Variants in ADAM19 observed in about 807,000 individuals in gnomAD.
The protein encoded by ADAM19 is ADAM metallopeptidase domain 19.
ADAM19 carries 65 observed loss-of-function variants against 114.7 expected under a neutral mutation model. The observed-to-expected ratio is 0.57, with a 90% CI of 0.46 to 0.70. The LOEUF is 0.70. ADAM19 is among the 30% of genes least tolerant of loss of function. ADAM19 has a pLI of 0.00. For missense variants in ADAM19, 1,063 were observed against 1,204.7 expected, an observed-to-expected ratio of 0.88 and a Z score of 1.74; for synonymous variants, 466 against 460.5, an observed-to-expected ratio of 1.01 and a Z score of -0.15.
In ADAM19 at chr5:157,477,471, A is replaced by G; in HGVS notation, c.*3478T>C. The G allele has an allele frequency of 9.6e-7, 1 of 1,038,084 alleles. No homozygotes were observed. The highest frequency in any genetic ancestry group is 8.2e-5 in the East Asian group (1 of 12,230). The allele number at this position is 1,038,084 out of a possible 1,614,324, so 64.3% of individuals were successfully genotyped here. Reference sequence around the variant, plus strand: ...TCCGTGAACAATCTCCCAAATAAAAAGAAAATTCACATTGCCCTGGATCCC... The same window carrying G: ...TCCGTGAACAATCTCCCAAATAAAAGGAAAATTCACATTGCCCTGGATCCC... On this transcript the variant is annotated 3_prime_UTR_variant, in exon 23 of 23. Transcript: ENST00000257527.
chr5:157,572,235 G>C (rs774603995), intron 1 of ADAM19: 1 of 453,200 alleles, frequency 2.2e-6, no homozygotes, highest in Admixed American at 2.4e-5. Context: ...ACAGGCACCC[G>C]CCACCACACC....
Position 157,481,851 on chromosome 5 carries a change from T to C in ADAM19, c.2643A>G (p.Pro881=), listed in dbSNP as rs747054199. The C allele has an allele frequency of 2.5e-6, 4 of 1,590,278 alleles. No homozygotes were observed. The highest frequency in any genetic ancestry group is 1.8e-5 in the Admixed American group (1 of 56,474). The part of the protein sequence containing the change: ...RSLPRPGGAS[P]LRPPGAGPQQ... ...GAGGGCCAGCACCAGGGGGCCGCAG[T>C]GGGGATGCACCTCCTGGCCTGGGGA... Residue 881 remains proline, a synonymous_variant, in exon 22 of 23, where the codon CCA becomes CCG. Coordinates refer to ENST00000257527, the MANE Select transcript of ADAM19 (RefSeq NM_033274.5).
intron 5 of ADAM19, among the ~76,000 whole-genome samples, chr5:157,524,219 T>C (rs538178463): frequency 1.3e-5 from 2 of 152,366 alleles, no homozygotes; most frequent in African/African-American, 4.8e-5. Context: ...TCTAGGAGCC[T>C]TGGTTGATCT....
chr5:157,539,080 G>C (rs1376636847), intron 3 of ADAM19, among the ~76,000 whole-genome samples: 1 of 151,776 alleles, frequency 6.6e-6, no homozygotes, highest in Non-Finnish European at 1.5e-5. Context: ...TTGAACCTGG[G>C]GGGTGGAGGT....
At chr5:157,556,365 C>T (rs1023054851) in intron 3 of ADAM19, among the ~76,000 whole-genome samples, 9 of 151,644 alleles carry the variant, frequency 5.9e-5, no homozygotes, top group African/African-American at 7.3e-5. Flanking sequence ...ACTACAGGGG[C>T]GCACCACCAT....
Position 157,519,896 on chromosome 5 carries a change from G to A in ADAM19, c.543C>T (p.Pro181=). The A allele has an allele frequency of 3.1e-6, 5 of 1,614,072 alleles. No homozygotes were observed. Among genetic ancestry groups the A allele is most frequent in the South Asian group, 1.1e-5 (1 of 91,064 alleles). The part of the protein sequence containing the change: ...PGNCGFEHSK[P]TTRDWALQFT... ...ACTGAAGAGCCCAGTCCCTGGTGGT[G>A]GGCTTGGAGTGCTCGAACCCACAGT... Residue 181 remains proline, a synonymous_variant, in exon 6 of 23, where the codon CCC becomes CCT. Transcript: ENST00000257527.
At chr5:157,543,719 ATTT>A (rs61194166) in intron 3 of ADAM19, among the ~76,000 whole-genome samples, 22,977 of 151,810 alleles carry the variant, frequency 0.15, 2,026 homozygotes, top group African/African-American at 0.23. Context: ...TTTTGACAAT[ATTT>A]TTTAACTGGC....
chr5:157,553,615 T>C (rs79385837), intron 3 of ADAM19, among the ~76,000 whole-genome samples: 6 of 152,330 alleles, frequency 3.9e-5, no homozygotes, highest in African/African-American at 1.4e-4. Flanking sequence ...CTCCATAGGA[T>C]CCTGTAACTC....
intron 3 of ADAM19, among the ~76,000 whole-genome samples, chr5:157,539,534 G>A (rs572302479): frequency 2.7e-4 from 41 of 152,180 alleles, no homozygotes; most frequent in Non-Finnish European, 5.0e-4. Context: ...GAAGGCAAAT[G>A]CCACAAGAAT....
chr5:157,556,190 C>A (rs1299368372), intron 3 of ADAM19, among the ~76,000 whole-genome samples: 16 of 145,370 alleles, frequency 1.1e-4, no homozygotes, highest in Non-Finnish European at 2.1e-4. Context: ...GTTTTTATAA[C>A]CTGTTTTTTT....
In ADAM19 at chr5:157,505,388, A is replaced by C. The variant is rs573170574; in HGVS notation, c.1130+281T>G. Among the ~76,000 whole-genome samples, 460 of 152,330 alleles carry C rather than the reference A, an allele frequency of 3.0e-3. 5 individuals carry two copies. Among genetic ancestry groups the C allele is most frequent in the Non-Finnish European group, 5.7e-3 (390 of 68,024 alleles). On this transcript the variant is annotated intron_variant, in intron 11 of 22. Transcript: ENST00000257527. ...CTCATAAAAAATTCATGAAATAAAA[A>C]AGACACATATGGCCAAGCCAATTTT...
chr5:157,549,191 G>A (rs1158622211), intron 3 of ADAM19, among the ~76,000 whole-genome samples: 1 of 152,162 alleles, frequency 6.6e-6, no homozygotes, highest in East Asian at 1.9e-4. Flanking sequence ...ATGTTTCCTA[G>A]AAGTAGCTCA....
rs1004182565 is a variant in ADAM19, at chr5:157,575,730, C to T, written c.-34G>A. The stretch of plus-strand genomic sequence containing the variant: ...CGGCCCTTAGCGCTCGGCGCTCACA[C>T]GCCCTCAGCCATACCTGCCCACTGC... On this transcript the variant is annotated 5_prime_UTR_variant, in exon 1 of 23. In the 5' UTR this introduces an upstream ATG that the reference lacks. Coordinates refer to ENST00000257527, the MANE Select transcript of ADAM19 (RefSeq NM_033274.5). The T allele has an allele frequency of 2.1e-5, 27 of 1,283,472 alleles. No homozygotes were observed. Among genetic ancestry groups the T allele is most frequent in the Non-Finnish European group, 2.5e-5 (25 of 1,014,094 alleles). The allele number at this position is 1,283,472 out of a possible 1,614,324, so 79.5% of individuals were successfully genotyped here.
At chr5:157,511,505 G>A (rs555492792) in intron 8 of ADAM19, among the ~76,000 whole-genome samples, 1 of 152,256 alleles carries the variant, frequency 6.6e-6, no homozygotes, top group South Asian at 2.1e-4. Context: ...GTCAAGATGG[G>A]CTCCAGATTC....
At chr5:157,540,646 A>T (rs1357296997) in intron 3 of ADAM19, among the ~76,000 whole-genome samples, 7 of 152,182 alleles carry the variant, frequency 4.6e-5, no homozygotes, top group African/African-American at 7.2e-5. Context: ...AGCAGGCAGT[A>T]CATGTGCATT....
chr5:157,511,481 T>C (rs1389225163), intron 8 of ADAM19, among the ~76,000 whole-genome samples: 1 of 152,166 alleles, frequency 6.6e-6, no homozygotes, highest in Non-Finnish European at 1.5e-5. Context: ...ATCCACTCGC[T>C]CCAAGAAACG....
chr5:157,481,383 A>G, intron 22 of ADAM19: 1 of 592,032 alleles, frequency 1.7e-6, no homozygotes, highest in Non-Finnish European at 3.0e-6. Context: ...AAGTACGAGG[A>G]GGGGCCAAGT....
chr5:157,479,942 T>C lies in ADAM19; in HGVS notation c.*1007A>G. The C allele has an allele frequency of 1.0e-6, 1 of 985,774 alleles. No homozygotes were observed. Among genetic ancestry groups the C allele is most frequent in the Non-Finnish European group, 1.2e-6 (1 of 829,968 alleles). The allele number at this position is 985,774 out of a possible 1,614,324, so 61.1% of individuals were successfully genotyped here. A position where few individuals can be genotyped will look rare whatever the true frequency, so the allele number is the denominator to read the frequency against. ...ACCCTGCTGAGGTCACAAAACACAA[T>C]GAAAAATAAACATATGACCCCAATG... On this transcript the variant is annotated 3_prime_UTR_variant, in exon 23 of 23. Transcript: ENST00000257527.
intron 5 of ADAM19, among the ~76,000 whole-genome samples, chr5:157,529,321 C>CAA (rs11396883): frequency 3.5e-4 from 48 of 135,430 alleles, no homozygotes; most frequent in African/African-American, 6.1e-4. Context: ...CATCCTTCTT[C>CAA]AAAAAAAAAA....
Sources: allele counts gnomAD v4.1 joint callset (sites outside exome capture counted in the v4.1 genomes callset), GRCh38; gene constraint gnomAD v4.1.1; transcripts MANE v1.5; gene names NCBI Gene and HGNC (gene_info 2026-07-23, HGNC 2026-07-21).